Variants in SMYD3 observed in about 807,000 individuals in gnomAD.
SMYD3 encodes the protein SET and MYND domain containing 3, also known as histone-lysine N-methyltransferase SMYD3.
Under a neutral mutation model 57.7 loss-of-function variants are expected in SMYD3, and 36 were observed. The ratio of observed to expected loss-of-function variants is 0.62; its 90% CI spans 0.48 to 0.82. SMYD3 has a LOEUF of 0.82. Ranked by LOEUF, SMYD3 falls within the 40% of genes least tolerant of loss-of-function variation. The pLI is 0.00. For synonymous variants in SMYD3, 211 were observed against 195.0 expected (o/e 1.08, Z -0.68); for missense variants, 515 against 538.8 (o/e 0.96, Z 0.44).
At chr1:246,505,996 T>C (rs1310043082) in intron 1 of SMYD3, among the ~76,000 whole-genome samples, 1 of 152,228 alleles carries the variant, frequency 6.6e-6, no homozygotes, top group Non-Finnish European at 1.5e-5. Context: ...TATTATTTGG[T>C]AGCTCTAAAA....
intron 5 of SMYD3, among the ~76,000 whole-genome samples, chr1:246,259,328 G>A (rs2148517279): frequency 6.6e-6 from 1 of 152,294 alleles, no homozygotes; most frequent in Non-Finnish European, 1.5e-5. Flanking sequence ...CTCAGCTGAA[G>A]ATGCTAGCAC....
At chr1:246,364,182 C>T (rs1432194978) in intron 1 of SMYD3, among the ~76,000 whole-genome samples, 1 of 148,590 alleles carries the variant, frequency 6.7e-6, no homozygotes, top group Non-Finnish European at 1.5e-5. Context: ...GATTTGTGAG[C>T]TCCAGGACTG....
At chr1:245,962,688 G>A (rs996719440) in intron 5 of SMYD3, among the ~76,000 whole-genome samples, 1 of 125,480 alleles carries the variant, frequency 8.0e-6, no homozygotes, top group African/African-American at 2.5e-5. Flanking sequence ...CTTGTGCCAA[G>A]GTTTGACCTC....
At chr1:246,095,439 T>C (rs146366989) in intron 5 of SMYD3, among the ~76,000 whole-genome samples, 97 of 152,262 alleles carry the variant, frequency 6.4e-4, no homozygotes, top group African/African-American at 2.3e-3. Flanking sequence ...GCAAATGTAA[T>C]ATGCAACGAT....
rs143536686 is a variant in SMYD3, at chr1:246,157,021, C to T, written c.531+170180G>A. On this transcript the variant is annotated intron_variant, in intron 5 of 11. Coordinates refer to ENST00000490107, the MANE Select transcript of SMYD3 (RefSeq NM_001167740.2). ...CGAGGGCAAAGATGAAAAGGTCATA[C>T]GCAGACCGCAAAGCTTAAACCTTCG... Among the ~76,000 whole-genome samples, 980 of 152,316 alleles carry T rather than the reference C, an allele frequency of 6.4e-3. 8 individuals carry two copies. The highest frequency in any genetic ancestry group is 0.02 in the Middle Eastern group (6 of 294).
At chr1:246,136,377 T>C (rs367906276) in intron 5 of SMYD3, among the ~76,000 whole-genome samples, 1 of 152,192 alleles carries the variant, frequency 6.6e-6, no homozygotes, top group Non-Finnish European at 1.5e-5. Flanking sequence ...GTAGACACCT[T>C]AGACACCTCA....
intron 11 of SMYD3, among the ~76,000 whole-genome samples, chr1:245,762,915 T>G (rs1283893303): frequency 6.6e-6 from 1 of 152,102 alleles, no homozygotes; most frequent in Non-Finnish European, 1.5e-5. Context: ...TGTCAAGCGC[T>G]TCCTATGATA....
At chr1:246,289,700 C>T (rs1173523314) in intron 5 of SMYD3, among the ~76,000 whole-genome samples, 1 of 152,126 alleles carries the variant, frequency 6.6e-6, no homozygotes, top group African/African-American at 2.4e-5. Context: ...TTGGTAAATG[C>T]TCAGTAAATG....
chr1:246,260,515 A>C (rs564613287), intron 5 of SMYD3, among the ~76,000 whole-genome samples: 49 of 152,036 alleles, frequency 3.2e-4, no homozygotes, highest in Non-Finnish European at 1.0e-4. Flanking sequence ...CAATGGCCCG[A>C]CCTTGGCTCA....
intron 8 of SMYD3, among the ~76,000 whole-genome samples, chr1:245,904,068 A>G (rs914373670): frequency 6.6e-6 from 1 of 152,078 alleles, no homozygotes; most frequent in African/African-American, 2.4e-5. Context: ...GCAAATGTTG[A>G]CTCCATGTCT....
At position 246,495,348 on chromosome 1, in the gene SMYD3, C is replaced by CAAAA. The variant is rs11329443; in HGVS notation, c.164+11702_164+11705dup. ...TGGGTGACAGAGCAAGACTCCGTCTCAAAAAAAAAAAAAAAAAAAAAAAAG... is the reference window on the plus strand; with the variant it reads ...TGGGTGACAGAGCAAGACTCCGTCTCAAAAAAAAAAAAAAAAAAAAAAAAAAAAG... On this transcript the variant is annotated intron_variant, in intron 1 of 11. Transcript: ENST00000490107. Among the ~76,000 whole-genome samples the CAAAA allele has an allele frequency of 6.6e-3, 380 of 57,840 alleles. 14 individuals carry two copies. Among genetic ancestry groups the CAAAA allele is most frequent in the African/African-American group, 0.02 (267 of 13,220 alleles). 37.9% of individuals were successfully genotyped at this position (57,840 alleles called of 152,430 possible).
rs529611130 is a variant in SMYD3 at position 246,404,016 on chromosome 1, C to T, written c.165-48922G>A. On this transcript the variant is annotated intron_variant, in intron 1 of 11. Transcript: ENST00000490107. Reference sequence around the variant, plus strand: ...TGTATGCTGCTCTACATAGGACACACCCAACACAACCAACCTAGTGTTGCT... The same window carrying T: ...TGTATGCTGCTCTACATAGGACACATCCAACACAACCAACCTAGTGTTGCT... Among the ~76,000 whole-genome samples the T allele has an allele frequency of 5.3e-5, 8 of 152,256 alleles. No homozygotes were observed. The South Asian group carries it at 1.2e-3, about 24-fold the overall frequency.
chr1:245,895,170 G>T (rs1037752546), intron 8 of SMYD3, among the ~76,000 whole-genome samples: 1 of 80,102 alleles, frequency 1.2e-5, no homozygotes, highest in Non-Finnish European at 2.4e-5. Context: ...TCCCTTCCTT[G>T]ATTAAACATG....
At chr1:245,856,203 A>G (rs1292888125) in intron 10 of SMYD3, among the ~76,000 whole-genome samples, 2 of 152,268 alleles carry the variant, frequency 1.3e-5, no homozygotes, top group Non-Finnish European at 2.9e-5. Context: ...GGAAAAAGGC[A>G]AAGTATGACA....
intron 10 of SMYD3, among the ~76,000 whole-genome samples, chr1:245,799,450 T>TAGTCCCTCCTGCTTACCTTCTACTCTAAG (rs143186206): frequency 2.0e-5 from 3 of 151,428 alleles, no homozygotes; most frequent in Non-Finnish European, 4.4e-5. Context: ...AGTGCTGTTA[T>TAGTCCCTCCTGCTTACCTTCTACTCTAAG]AGTCCCTCTC....
In SMYD3 at chr1:246,197,596, T is replaced by C. The variant is rs562149746; in HGVS notation, c.531+129605A>G. ...AGGATCATCAAAAACAAAGAAAGTATGAAAAACTGTACCAAGAGAAGCCTA... is the reference window on the plus strand; with the variant it reads ...AGGATCATCAAAAACAAAGAAAGTACGAAAAACTGTACCAAGAGAAGCCTA... On this transcript the variant is annotated intron_variant, in intron 5 of 11. Coordinates refer to ENST00000490107, the MANE Select transcript of SMYD3 (RefSeq NM_001167740.2). Among the ~76,000 whole-genome samples the C allele has an allele frequency of 4.0e-5, 5 of 123,682 alleles. No individual in the cohort carries two copies. In the East Asian group the frequency reaches 2.3e-3, roughly 57 times the overall value. 81.1% of individuals were successfully genotyped at this position (123,682 alleles called of 152,430 possible). A position where few individuals can be genotyped will look rare whatever the true frequency, so the allele number is the denominator to read the frequency against.
At chr1:245,815,401 G>A (rs925064276) in intron 10 of SMYD3, among the ~76,000 whole-genome samples, 3 of 152,206 alleles carry the variant, frequency 2.0e-5, no homozygotes, top group African/African-American at 7.2e-5. Flanking sequence ...TCTAGTCCAA[G>A]CTGTACGCTC....
intron 5 of SMYD3, among the ~76,000 whole-genome samples, chr1:246,104,614 T>C (rs1348715820): frequency 1.3e-5 from 2 of 151,988 alleles, no homozygotes; most frequent in African/African-American, 4.8e-5. Flanking sequence ...TAGGACGATA[T>C]TCGTCTGGGA....
intron 5 of SMYD3, among the ~76,000 whole-genome samples, chr1:246,233,535 A>G (rs1456439959): frequency 4.0e-5 from 5 of 126,250 alleles, no homozygotes; most frequent in Admixed American, 8.2e-5. Flanking sequence ...GAGGAGAAGC[A>G]CTCCTTCAAT....
Sources: allele counts gnomAD v4.1 joint callset (sites outside exome capture counted in the v4.1 genomes callset), GRCh38; gene constraint gnomAD v4.1.1; transcripts MANE v1.5; gene names NCBI Gene and HGNC (gene_info 2026-07-23, HGNC 2026-07-21).